Variants in EPG5 observed in about 807,000 individuals in gnomAD.
The protein encoded by EPG5 is ectopic P-granules 5 autophagy tethering factor.
In EPG5, 159 loss-of-function variants were observed where a neutral mutation model predicts 302.7. The observed-to-expected ratio is 0.53, with a 90% CI of 0.46 to 0.60. The LOEUF (loss-of-function observed/expected upper bound fraction) is 0.60. Among genes scored for constraint, EPG5 ranks in the 20% least tolerant of loss-of-function variants. The pLI, the probability that EPG5 is intolerant of heterozygous loss-of-function variation, is 0.00. For synonymous variants in EPG5, 1,158 were observed against 1,136.8 expected, an observed-to-expected ratio of 1.02 and a Z score of -0.37; for missense variants, 2,896 against 3,092.4, an observed-to-expected ratio of 0.94 and a Z score of 1.51.
At chr18:45,877,999 T>A (rs1336971514) in intron 34 of EPG5, among the ~76,000 whole-genome samples, 1 of 152,204 alleles carries the variant, frequency 6.6e-6, no homozygotes, top group Non-Finnish European at 1.5e-5. Flanking sequence ...TCCCACCCAA[T>A]AATTTTATAG....
At chr18:45,927,842 G>A (rs1369099833) in intron 13 of EPG5, among the ~76,000 whole-genome samples, 1 of 152,032 alleles carries the variant, frequency 6.6e-6, no homozygotes, top group Non-Finnish European at 1.5e-5. Flanking sequence ...ATCTATGAAA[G>A]GTGCTTAGGA....
intron 1 of EPG5, among the ~76,000 whole-genome samples, chr18:45,959,631 C>T (rs1229687899): frequency 7.7e-6 from 1 of 129,944 alleles, no homozygotes; most frequent in Non-Finnish European, 1.6e-5. Flanking sequence ...GGGGTGGGGG[C>T]GGGGTGGCAA....
At chr18:45,953,813 C>T (rs1453256260) in intron 2 of EPG5, 1 of 985,154 alleles carries the variant, frequency 1.0e-6, no homozygotes, top group Admixed American at 6.2e-5. Flanking sequence ...TTCCTCATCC[C>T]CACTCAATGG....
At chr18:45,842,467 G>A in the EPG5 span, 6 of 386,028 alleles carry the variant, frequency 1.6e-5, no homozygotes, top group South Asian at 8.8e-5. Flanking sequence ...GAGAGTACAC[G>A]CATTAGCTTG....
chr18:45,842,438 T>TGAGA, the EPG5 span: 67 of 496,786 alleles, frequency 1.3e-4, no homozygotes, highest in Admixed American at 5.7e-4. Flanking sequence ...TGTGTGTGTG[T>TGAGA]GTGTGAGAGA....
chr18:45,882,651 GA>G (rs2049122414), intron 30 of EPG5, among the ~76,000 whole-genome samples, 164 bp from the exon 31 acceptor site: 1 of 151,962 alleles, frequency 6.6e-6, no homozygotes, highest in African/African-American at 2.4e-5. Context: ...TCAACCTGAG[GA>G]AGCTAATTGT....
chr18:45,959,656 C>T (rs2051105907), intron 1 of EPG5, among the ~76,000 whole-genome samples: 1 of 108,662 alleles, frequency 9.2e-6, no homozygotes, highest in South Asian at 3.1e-4. Flanking sequence ...GCGAGACTGT[C>T]TCTAAATAAA....
intron 11 of EPG5, among the ~76,000 whole-genome samples, chr18:45,932,976 G>A (rs542157088): frequency 6.6e-6 from 1 of 152,134 alleles, no homozygotes; most frequent in African/African-American, 2.4e-5. Context: ...TGCTAACACA[G>A]AGCCTGGCAG....
chr18:45,923,384 T>C lies in EPG5; in HGVS notation c.2722A>G (p.Thr908Ala), dbSNP rs750847825. 3.1e-6 allele frequency: 5 copies of C among 1,610,204 alleles called. No individual in the cohort carries two copies. Among genetic ancestry groups the C allele is most frequent in the Non-Finnish European group, 4.2e-6 (5 of 1,179,044 alleles). The change falls in exon 15 of 44, where the codon ACC (threonine) becomes GCC (alanine). Residue 908 changes from threonine to alanine, a missense_variant. By Grantham distance (58) the Thr-to-Ala change is moderately conservative. This residue lies in a region of EPG5 where 1,390 missense variants were observed against 1,430.0 expected (regional missense o/e 0.97). Transcript: ENST00000282041. ...GLNWGFAKQA[T>A]LHLDQAVHAE... is the part of the protein sequence containing the mutation. ...TGGACTGCTTGATCCAGATGAAGGG[T>C]AGCCTTTTAAAGAGAAAAATAATCA...
intron 39 of EPG5, among the ~76,000 whole-genome samples, chr18:45,864,973 C>A (rs1400159516): frequency 6.6e-6 from 1 of 152,282 alleles, no homozygotes; most frequent in East Asian, 1.9e-4. Flanking sequence ...GATTATGCAT[C>A]GGATTTCCTT....
chr18:45,889,111 G>A (rs916881452), intron 28 of EPG5, among the ~76,000 whole-genome samples: 2 of 152,086 alleles, frequency 1.3e-5, no homozygotes, highest in Admixed American at 6.5e-5. Flanking sequence ...AAAAGGACTC[G>A]ATGCTCCCCT....
chr18:45,924,026 CAAAAA>C (rs533114460), intron 14 of EPG5, among the ~76,000 whole-genome samples: 1 of 96,506 alleles, frequency 1.0e-5, no homozygotes. Context: ...GATTCTGACT[CAAAAA>C]AAAAAAAAAA....
intron 10 of EPG5, among the ~76,000 whole-genome samples, chr18:45,938,095 G>A (rs2050577935): frequency 6.6e-6 from 1 of 152,154 alleles, no homozygotes; most frequent in Admixed American, 6.5e-5. Flanking sequence ...CTGATGCCCT[G>A]ACACAGTCCT....
rs374784153 is a variant in EPG5, at chr18:45,870,731, G to C, written c.6061C>G (p.Pro2021Ala). The C allele has an allele frequency of 6.2e-7, 1 of 1,605,026 alleles. No individual in the cohort carries two copies. Among genetic ancestry groups the C allele is most frequent in the Non-Finnish European group, 8.5e-7 (1 of 1,173,812 alleles). The change falls in exon 36 of 44, where the codon CCA (proline) becomes GCA (alanine). Residue 2021 changes from proline (P) to alanine (A), a missense_variant. By Grantham distance (27) the Pro-to-Ala change is conservative. Transcript: ENST00000282041. ...AACCAAAGGGCTCCTGCATCACCTG[G>C]CAACAGCTTATCTAGAATGTGAAAA... is the stretch of plus-strand genomic sequence containing the variant. ...LHESFKDKLL[P>A]GDAGALWLHL... is the part of the protein sequence containing the mutation.
intron 34 of EPG5, among the ~76,000 whole-genome samples, chr18:45,877,383 C>T (rs141809589): frequency 2.5e-3 from 382 of 152,272 alleles, no homozygotes; most frequent in African/African-American, 8.7e-3. Flanking sequence ...CACGTCACTG[C>T]ACTCCAGCCT....
intron 31 of EPG5, among the ~76,000 whole-genome samples, chr18:45,881,384 C>G (rs2049094690): frequency 6.6e-6 from 1 of 152,194 alleles, no homozygotes; most frequent in Admixed American, 6.5e-5. Flanking sequence ...ATTCTCCACC[C>G]ACCCTGCAAC....
At chr18:45,804,167 T>G in the EPG5 span, among the ~76,000 whole-genome samples, 2 of 152,086 alleles carry the variant, frequency 1.3e-5, no homozygotes. Context: ...TTTTAAAAAA[T>G]TAACTGGATG....
Position 45,899,564 on chromosome 18 carries a change from G to A in EPG5, c.4649C>T (p.Thr1550Ile), listed in dbSNP as rs930409896. Residue 1550 changes from threonine to isoleucine, a missense_variant and splice_region_variant, in exon 27 of 44, where the codon ACC becomes ATC. This residue lies in a region of EPG5 where 790 missense variants were observed against 798.0 expected (regional missense o/e 0.99). Transcript: ENST00000282041. ...CTGCTGAGATTCCCGAAGAGCTGCG[G>A]TTCTGAAAAACATCATCAGGAGGTA... ...DLNLLQQQAR[T>I]AALRESQQVA... 1 of 1,613,912 alleles carries A rather than the reference G, an allele frequency of 6.2e-7. No individual in the cohort carries two copies. Among genetic ancestry groups the A allele is most frequent in the Non-Finnish European group, 8.5e-7 (1 of 1,179,856 alleles).
chr18:45,805,256 ATTAATAGTAGTGTAC>A, the EPG5 span, among the ~76,000 whole-genome samples: 1 of 152,130 alleles, frequency 6.6e-6, no homozygotes, highest in African/African-American at 2.4e-5. Context: ...CTGGCACTTA[ATTAATAGTAGTGTAC>A]TAATGTTAGT....
Sources: gnomAD v4.1 joint callset for allele counts (sites outside exome capture counted in the v4.1 genomes callset) on GRCh38, gnomAD v4.1.1 for gene constraint, gnomAD v4.1.1 regional missense constraint, MANE v1.5 for transcripts, NCBI Gene and HGNC (gene_info 2026-07-23, HGNC 2026-07-21) for gene names.